Variants in RNGTT observed in about 807,000 individuals in gnomAD.
RNGTT encodes mRNA-capping enzyme.
In RNGTT, 33 loss-of-function variants were observed where a neutral mutation model predicts 79.3. The ratio of observed to expected loss-of-function variants is 0.42; its 90% CI spans 0.32 to 0.56. The LOEUF (loss-of-function observed/expected upper bound fraction) is 0.56, where lower values mean the gene tolerates loss of function less well. Ranked by LOEUF, RNGTT falls within the 20% of genes least tolerant of loss-of-function variation. The pLI is 0.17. For missense variants in RNGTT, 497 were observed against 739.1 expected (o/e 0.67, Z 3.80); for synonymous variants, 222 against 235.9 (o/e 0.94, Z 0.54).
chr6:88,906,320 T>C, intron 5 of RNGTT, 45 bp downstream of exon 5: 1 of 1,303,630 alleles, frequency 7.7e-7, no homozygotes, highest in Non-Finnish European at 1.1e-6. Context: ...TCAATAAAAT[T>C]TTTTATTACA....
intron 14 of RNGTT, among the ~76,000 whole-genome samples, chr6:88,654,517 C>T (rs191710378): frequency 1.3e-5 from 2 of 152,260 alleles, no homozygotes; most frequent in East Asian, 3.9e-4. Context: ...CTTGAGAATT[C>T]GTACTTTTGA....
intron 15 of RNGTT, 56 bp downstream of exon 15, chr6:88,614,216 T>A: frequency 6.3e-7 from 1 of 1,582,920 alleles, no homozygotes; most frequent in South Asian, 1.1e-5. Context: ...ACTTTGGGTC[T>A]AACACCTTAA....
intron 13 of RNGTT, among the ~76,000 whole-genome samples, chr6:88,718,004 G>T (rs1776578445): frequency 6.6e-6 from 1 of 152,174 alleles, no homozygotes; most frequent in Admixed American, 6.5e-5. Flanking sequence ...CTCTTCAATA[G>T]TAGCTGCTAC....
At chr6:88,850,155 G>C (rs868278969) in intron 9 of RNGTT, among the ~76,000 whole-genome samples, 1 of 151,994 alleles carries the variant, frequency 6.6e-6, no homozygotes, top group East Asian at 1.9e-4. Flanking sequence ...AATTCTAAAC[G>C]TCAGGATCTT....
intron 14 of RNGTT, among the ~76,000 whole-genome samples, chr6:88,643,246 C>G (rs539584212): frequency 6.6e-6 from 1 of 152,074 alleles, no homozygotes; most frequent in South Asian, 2.1e-4. Flanking sequence ...GAGCATAAAT[C>G]CTATTTTATA....
chr6:88,832,971 TTGG>T (rs540452908), intron 11 of RNGTT, among the ~76,000 whole-genome samples: 147 of 152,310 alleles, frequency 9.7e-4, no homozygotes, highest in Non-Finnish European at 7.2e-4. Flanking sequence ...TTTTACACTG[TTGG>T]TGGGAGTGTA....
chr6:88,937,338 T>G (rs578023015), intron 2 of RNGTT, among the ~76,000 whole-genome samples: 12 of 150,526 alleles, frequency 8.0e-5, no homozygotes, highest in Non-Finnish European at 1.8e-4. Context: ...AGAGCAAAAC[T>G]CCATCTCAAA....
intron 11 of RNGTT, among the ~76,000 whole-genome samples, chr6:88,834,783 T>C (rs563850655): frequency 6.6e-6 from 1 of 152,222 alleles, no homozygotes; most frequent in Admixed American, 6.5e-5. Context: ...TAAATTTATA[T>C]TTAGTGATAA....
rs535758170 is a variant in RNGTT at position 88,855,411 on chromosome 6, G to C, written c.897-1647C>G. ...ACAAGTGTACAAACAAAATGGAAAAGAGCAGCATGGAAGACCAAAGGGGCT... is the reference window on the plus strand; with the variant it reads ...ACAAGTGTACAAACAAAATGGAAAACAGCAGCATGGAAGACCAAAGGGGCT... On this transcript the variant is annotated intron_variant, in intron 8 of 15. Transcript: ENST00000369485. 1.6e-4 allele frequency among the ~76,000 whole-genome samples: 25 copies of C among 151,698 alleles called. No homozygotes were observed. The South Asian group carries it at 4.1e-3, about 25-fold the overall frequency.
intron 12 of RNGTT, among the ~76,000 whole-genome samples, chr6:88,791,626 G>A (rs1274434466): frequency 6.6e-6 from 1 of 151,948 alleles, no homozygotes; most frequent in Non-Finnish European, 1.5e-5. Flanking sequence ...TGCAAGCTCC[G>A]CCTCCTGGGT....
chr6:88,780,657 G>A lies in RNGTT; in HGVS notation c.1339-10783C>T, dbSNP rs556289477. Reference sequence around the variant, plus strand: ...CAAAAAAAAACTGGGGATATGTTAGGTGTAAACGTAATTACCAATATAACC... The same window carrying A: ...CAAAAAAAAACTGGGGATATGTTAGATGTAAACGTAATTACCAATATAACC... On this transcript the variant is annotated intron_variant, in intron 12 of 15. Coordinates refer to ENST00000369485, the MANE Select transcript of RNGTT (RefSeq NM_003800.5). Among the ~76,000 whole-genome samples, 60 of 152,034 alleles carry A rather than the reference G, an allele frequency of 3.9e-4. 1 individual carries two copies. The highest frequency in any genetic ancestry group is 1.4e-3 in the African/African-American group (58 of 41,492).
chr6:88,610,394 C>T lies in RNGTT; in HGVS notation c.*2325G>A, dbSNP rs932844021. ...ACCATCCACGCAGTAGAGTCATCCA[C>T]ACCTTTTCCTAACAAAAAGCAAAAG... is the stretch of plus-strand genomic sequence containing the variant. On this transcript the variant is annotated 3_prime_UTR_variant, in exon 16 of 16. Transcript: ENST00000369485. 6.6e-6 allele frequency: 1 copy of T among 152,658 alleles called. No individual in the cohort carries two copies. The allele number at this position is 152,658 out of a possible 1,614,324, so 9.5% of individuals were successfully genotyped here. A position where few individuals can be genotyped will look rare whatever the true frequency, so the allele number is the denominator to read the frequency against.
chr6:88,692,856 A>G (rs924693734), intron 13 of RNGTT, among the ~76,000 whole-genome samples: 2 of 152,020 alleles, frequency 1.3e-5, no homozygotes, highest in Non-Finnish European at 2.9e-5. Context: ...TATATAAAAG[A>G]AAATCTACAG....
chr6:88,808,555 T>A (rs1363352712), intron 11 of RNGTT, among the ~76,000 whole-genome samples: 2 of 152,146 alleles, frequency 1.3e-5, no homozygotes, highest in African/African-American at 2.4e-5. Context: ...CTAATGATAT[T>A]TCTTCTAAAA....
intron 11 of RNGTT, among the ~76,000 whole-genome samples, chr6:88,831,326 C>T (rs554173043): frequency 6.6e-6 from 1 of 152,250 alleles, no homozygotes; most frequent in Non-Finnish European, 1.5e-5. Flanking sequence ...TAAACAGAAC[C>T]AATGACAAAA....
chr6:88,927,213 T>C (rs143285993), intron 4 of RNGTT, among the ~76,000 whole-genome samples: 2 of 152,254 alleles, frequency 1.3e-5, no homozygotes, highest in East Asian at 1.9e-4. Context: ...CTGAAACAAA[T>C]GGTTGGTTAT....
chr6:88,761,003 T>C (rs1423104926), intron 13 of RNGTT, among the ~76,000 whole-genome samples: 2 of 131,206 alleles, frequency 1.5e-5, no homozygotes, highest in African/African-American at 5.8e-5. Context: ...TTTTAATGAA[T>C]TGAAGCAAAA....
At chr6:88,838,929 AACAG>A (rs1267177052) in intron 11 of RNGTT, among the ~76,000 whole-genome samples, 2 of 152,180 alleles carry the variant, frequency 1.3e-5, no homozygotes, top group Admixed American at 6.5e-5. Flanking sequence ...AAGAGAACTG[AACAG>A]ACAGTCTAGA....
chr6:88,898,655 T>C (rs186752880), intron 6 of RNGTT, among the ~76,000 whole-genome samples: 112 of 150,714 alleles, frequency 7.4e-4, no homozygotes, highest in South Asian at 3.3e-3. Flanking sequence ...TTTTAGTATA[T>C]ATACTGTGTG....
Sources: allele counts gnomAD v4.1 joint callset (sites outside exome capture counted in the v4.1 genomes callset), GRCh38; gene constraint gnomAD v4.1.1; transcripts MANE v1.5; gene names NCBI Gene and HGNC (gene_info 2026-07-23, HGNC 2026-07-21).